LRRC7: variants seen among roughly 807,000 people sequenced by gnomAD.
LRRC7 encodes leucine-rich repeat-containing protein 7.
A neutral mutation model predicts 175.7 loss-of-function variants in LRRC7; 23 were observed. The ratio of observed to expected loss-of-function variants is 0.13; its 90% CI spans 0.09 to 0.19. The LOEUF (loss-of-function observed/expected upper bound fraction) is 0.19, where lower values mean the gene tolerates loss of function less well. LRRC7 is among the 10% of genes least tolerant of loss of function. LRRC7 has a pLI of 1.00. For missense variants in LRRC7, 1,354 were observed against 1,904.7 expected (o/e 0.71, Z 5.38); for synonymous variants, 685 against 680.9 (o/e 1.01, Z -0.09).
intron 11 of LRRC7, among the ~76,000 whole-genome samples, chr1:69,999,377 T>C (rs1655307293): frequency 6.6e-6 from 1 of 152,172 alleles, no homozygotes; most frequent in Non-Finnish European, 1.5e-5. Flanking sequence ...TATTGAAAGC[T>C]GCTCATTCTC....
Position 69,674,102 on chromosome 1 carries a change from G to A in LRRC7, c.3-4279G>A, listed in dbSNP as rs186758561. 1.9e-3 allele frequency among the ~76,000 whole-genome samples: 290 copies of A among 152,140 alleles called. 1 individual carries two copies. The highest frequency in any genetic ancestry group is 3.4e-3 in the Non-Finnish European group (229 of 68,016). ...AGCTCACTGCAGCCTCCACCTTTGC[G>A]TCCTCAAGTGATTCTCTCACCTCAG... On this transcript the variant is annotated intron_variant, in intron 1 of 26. Transcript: ENST00000651989.
intron 2 of LRRC7, among the ~76,000 whole-genome samples, chr1:69,698,727 G>A (rs1195810996): frequency 6.6e-6 from 1 of 152,152 alleles, no homozygotes; most frequent in Non-Finnish European, 1.5e-5. Flanking sequence ...TGCATTGAAA[G>A]GGGGATAGTC....
rs543315601 is a variant in LRRC7, at chr1:69,650,401, G to A, written c.3-27980G>A. ...TAAAAATGAAAAAAATTAGCCGGGC[G>A]TGGTGGTGGGTGCCTGCAGTCCCAG... On this transcript the variant is annotated intron_variant, in intron 1 of 26. Coordinates refer to ENST00000651989, the MANE Select transcript of LRRC7 (RefSeq NM_001370785.2). Among the ~76,000 whole-genome samples the A allele has an allele frequency of 9.9e-5, 15 of 151,758 alleles. No homozygotes were observed. The East Asian group carries it at 1.4e-3, about 14-fold the overall frequency.
chr1:70,098,241 T>G (rs1175920127), intron 25 of LRRC7, among the ~76,000 whole-genome samples: 1 of 152,144 alleles, frequency 6.6e-6, no homozygotes, highest in Non-Finnish European at 1.5e-5. Flanking sequence ...CATGTGTTTT[T>G]TGGCTGCATA....
intron 1 of LRRC7, among the ~76,000 whole-genome samples, chr1:69,572,541 T>C (rs1267130546): frequency 1.3e-5 from 2 of 152,152 alleles, no homozygotes; most frequent in Non-Finnish European, 2.9e-5. Context: ...TATTTTTTCT[T>C]TATGTGGCTT....
chr1:69,672,887 C>T (rs1471537522), intron 1 of LRRC7, among the ~76,000 whole-genome samples: 1 of 152,154 alleles, frequency 6.6e-6, no homozygotes, highest in Non-Finnish European at 1.5e-5. Flanking sequence ...AGCAGCCTGT[C>T]GGTTCCTGTG....
intron 1 of LRRC7, among the ~76,000 whole-genome samples, chr1:69,674,631 C>A (rs949357438): frequency 2.0e-5 from 3 of 152,060 alleles, no homozygotes; most frequent in Non-Finnish European, 4.4e-5. Context: ...CCACTTTTAT[C>A]CCTGTTAGTG....
chr1:69,748,547 TTAAA>T (rs35846373), intron 2 of LRRC7, among the ~76,000 whole-genome samples: 2,295 of 152,282 alleles, frequency 0.015, 58 homozygotes, highest in African/African-American at 0.049. Flanking sequence ...CAAAGTTTTA[TTAAA>T]TAAAGTATTT....
chr1:69,940,961 G>A (rs1044013874), intron 8 of LRRC7, among the ~76,000 whole-genome samples: 6 of 152,062 alleles, frequency 3.9e-5, no homozygotes, highest in Non-Finnish European at 7.4e-5. Flanking sequence ...GATATGGGGT[G>A]GGGAGATGTC....
intron 3 of LRRC7, among the ~76,000 whole-genome samples, chr1:69,777,846 TC>T (rs1284286262): frequency 6.6e-6 from 1 of 152,110 alleles, no homozygotes; most frequent in East Asian, 1.9e-4. Flanking sequence ...ACCAGCCTTT[TC>T]CCCCATTCTA....
intron 6 of LRRC7, 103 bp downstream of exon 6, chr1:69,834,972 ATAG>A: frequency 1.2e-6 from 1 of 821,868 alleles, no homozygotes; most frequent in Non-Finnish European, 1.9e-6. Context: ...GTGATTAAAG[ATAG>A]GCCTCATTAT....
intron 1 of LRRC7, among the ~76,000 whole-genome samples, chr1:69,570,463 C>T (rs1266159391): frequency 6.6e-6 from 1 of 151,838 alleles, no homozygotes; most frequent in African/African-American, 2.4e-5. Context: ...AGCCAGCCCC[C>T]TATTTTAAAA....
chr1:69,940,759 C>A (rs916932843), intron 8 of LRRC7, among the ~76,000 whole-genome samples: 2 of 151,756 alleles, frequency 1.3e-5, no homozygotes, highest in Non-Finnish European at 2.9e-5. Context: ...TAAATCACCC[C>A]AAAAAAACAA....
chr1:70,016,660 A>C, intron 14 of LRRC7, 126 bp downstream of exon 14: 1 of 680,062 alleles, frequency 1.5e-6, no homozygotes, highest in African/African-American at 1.9e-5. Flanking sequence ...TTATCCCCAG[A>C]AAGAGAGAAT....
intron 7 of LRRC7, among the ~76,000 whole-genome samples, chr1:69,890,055 T>TTA (rs1645786877): frequency 3.3e-5 from 5 of 152,336 alleles, no homozygotes; most frequent in Admixed American, 3.3e-4. Flanking sequence ...GGAATCAATT[T>TTA]CTTCCAAACT....
chr1:70,100,814 C>G (rs1037370748), intron 25 of LRRC7, among the ~76,000 whole-genome samples: 1 of 152,056 alleles, frequency 6.6e-6, no homozygotes, highest in Non-Finnish European at 1.5e-5. Context: ...CTTCTCCTCT[C>G]TCTTAACTTC....
intron 3 of LRRC7, among the ~76,000 whole-genome samples, chr1:69,778,895 CAT>C (rs954514933): frequency 5.9e-4 from 89 of 150,232 alleles, no homozygotes; most frequent in African/African-American, 2.0e-3. Context: ...CACACACACA[CAT>C]ATATATATAC....
chr1:69,699,159 G>A (rs1663008747), intron 2 of LRRC7, among the ~76,000 whole-genome samples: 1 of 152,116 alleles, frequency 6.6e-6, no homozygotes, highest in Admixed American at 6.5e-5. Flanking sequence ...GACACTTTGT[G>A]GAGAAAGGGA....
chr1:69,707,665 C>T (rs774827330), intron 2 of LRRC7, among the ~76,000 whole-genome samples: 3 of 152,080 alleles, frequency 2.0e-5, no homozygotes, highest in Non-Finnish European at 4.4e-5. Flanking sequence ...TTTCCTTTTC[C>T]TCACTCTTGT....
Sources: gnomAD v4.1 joint callset for allele counts (sites outside exome capture counted in the v4.1 genomes callset) on GRCh38, gnomAD v4.1.1 for gene constraint, MANE v1.5 for transcripts, NCBI Gene and HGNC (gene_info 2026-07-23, HGNC 2026-07-21) for gene names.